Variants in TEX14 observed in about 807,000 individuals in gnomAD.
TEX14 encodes testis expressed 14, intercellular bridge forming factor.
TEX14 carries 168 observed loss-of-function variants against 178.6 expected under a neutral mutation model. That is an observed-to-expected ratio of 0.94 (90% CI 0.83 to 1.07). The LOEUF (loss-of-function observed/expected upper bound fraction) is 1.07. Among genes scored for constraint, TEX14 ranks in the 50% least tolerant of loss-of-function variants. TEX14 has a pLI of 0.00. For missense variants in TEX14, 1,730 were observed against 1,753.6 expected (o/e 0.99, Z 0.24); for synonymous variants, 626 against 634.1 (o/e 0.99, Z 0.19).
At chr17:58,625,587 T>C (rs1463804112) in intron 3 of TEX14, among the ~76,000 whole-genome samples, 4 of 152,222 alleles carry the variant, frequency 2.6e-5, no homozygotes, top group Non-Finnish European at 5.9e-5. Context: ...CAGGTCCACC[T>C]GGTATCAAAA....
rs761592042 is a variant in TEX14 at position 58,623,010 on chromosome 17, C to A, written c.254G>T (p.Arg85Leu). 61 of 1,587,736 alleles carry A rather than the reference C, an allele frequency of 3.8e-5. No homozygotes were observed. Among genetic ancestry groups the A allele is most frequent in the Middle Eastern group, 3.4e-4 (2 of 5,930 alleles). The change falls in exon 4 of 32, where the codon CGC becomes CTC. Residue 85 changes from arginine to leucine, a missense_variant and splice_region_variant. Transcript: ENST00000349033. ...LVDYGSDPNHRCFDGSTPVHA... is the reference protein window; with the variant it reads ...LVDYGSDPNHLCFDGSTPVHA... ...GACAGGGGTGCTCCCATCAAAGCAGCGGCTGGGGAGGGAGATGAGTACAAT... is the reference window on the plus strand; with the variant it reads ...GACAGGGGTGCTCCCATCAAAGCAGAGGCTGGGGAGGGAGATGAGTACAAT...
intron 19 of TEX14, among the ~76,000 whole-genome samples, chr17:58,580,111 G>A (rs1321320797): frequency 6.6e-6 from 1 of 152,204 alleles, no homozygotes; most frequent in African/African-American, 2.4e-5. Flanking sequence ...CAGAACAATG[G>A]TTCCTTTTGG....
intron 2 of TEX14, among the ~76,000 whole-genome samples, chr17:58,649,803 G>A (rs770602588): frequency 1.1e-4 from 16 of 151,846 alleles, no homozygotes; most frequent in East Asian, 9.7e-4. Flanking sequence ...GCAGTGGCGC[G>A]ATCTCAGCTC....
intron 17 of TEX14, 58 bp downstream of exon 17, chr17:58,587,523 A>G (rs1425240124): frequency 5.6e-6 from 6 of 1,077,768 alleles, no homozygotes; most frequent in Admixed American, 2.2e-5. Context: ...TATCAACCAC[A>G]TTAGAAATAT....
intron 1 of TEX14, chr17:58,661,600 C>G: frequency 1.4e-6 from 1 of 713,842 alleles, no homozygotes; most frequent in Non-Finnish European, 2.6e-6. Context: ...CAGCTGCCAT[C>G]TTGGGAAGGC....
At chr17:58,650,671 A>G (rs542001343) in intron 2 of TEX14, among the ~76,000 whole-genome samples, 1 of 151,974 alleles carries the variant, frequency 6.6e-6, no homozygotes, top group Non-Finnish European at 1.5e-5. Context: ...AGTGTTGCCC[A>G]GGCTGGTCTC....
chr17:58,629,517 T>C (rs2046230638), intron 3 of TEX14, among the ~76,000 whole-genome samples: 1 of 150,680 alleles, frequency 6.6e-6, no homozygotes, highest in South Asian at 2.1e-4. Flanking sequence ...TGTTACTGTT[T>C]CATATTAAAA....
intron 2 of TEX14, chr17:58,631,848 A>C (rs576535601): frequency 3.3e-5 from 5 of 152,228 alleles, no homozygotes; most frequent in African/African-American, 9.6e-5. Flanking sequence ...ATGTCCATTT[A>C]TGTGCCTTCC....
At chr17:58,679,414 G>A (rs574047315) in intron 1 of TEX14, 1 of 149,864 alleles carries the variant, frequency 6.7e-6, no homozygotes, top group South Asian at 2.1e-4. Flanking sequence ...AGAAAAAAAT[G>A]ACCATTAGAA....
In TEX14 at chr17:58,615,330, C is replaced by T. The variant is rs775848022; in HGVS notation, c.783G>A (p.Gly261=). The T allele has an allele frequency of 1.9e-6, 3 of 1,608,764 alleles. No individual in the cohort carries two copies. The highest frequency in any genetic ancestry group is 2.6e-6 in the Non-Finnish European group (3 of 1,175,208). Residue 261 remains glycine, a synonymous_variant, in exon 8 of 32, where the codon GGG becomes GGA. Transcript: ENST00000349033. ...YMVMTNLVWN[G]SRVTVKELNL... ...TCAGCTCTTTCACTGTGACCCTGCT[C>T]CCATTCCACACTAGGCTACAAGGAC...
Position 58,569,208 on chromosome 17 carries a change from C to T in TEX14, c.3870G>A (p.Glu1290=), listed in dbSNP as rs1283590290. ...ATCTCTTACCAATGTCATCAAGTAG[C>T]TCCTGAGATGGTGGTGGCAGCTCAT... ...HIDELPPPSQ[E]LLDDIELLKQ... The change falls in exon 26 of 32, where the codon GAG becomes GAA. Residue 1290 remains glutamate, a synonymous_variant. Transcript: ENST00000349033. The surrounding 1 kb of genome is among the most constrained non-coding windows in gnomAD (Gnocchi z 4.1). The T allele has an allele frequency of 2.5e-6, 4 of 1,613,848 alleles. No individual in the cohort carries two copies. The highest frequency in any genetic ancestry group is 3.3e-5 in the Admixed American group (2 of 59,996).
At chr17:58,640,221 G>C (rs892654309) in intron 2 of TEX14, among the ~76,000 whole-genome samples, 1 of 150,684 alleles carries the variant, frequency 6.6e-6, no homozygotes, top group Admixed American at 6.7e-5. Context: ...TGAGGCACGA[G>C]AAACACTTGA....
At chr17:58,630,288 C>A in intron 3 of TEX14, 152 bp downstream of exon 3, 1 of 538,970 alleles carries the variant, frequency 1.9e-6, no homozygotes, top group African/African-American at 1.9e-5. Context: ...TAACTCCTGA[C>A]CTCGTGATCT....
chr17:58,585,816 GC>G lies in TEX14; in HGVS notation c.3054del (p.Arg1018SerfsTer35). On this transcript the variant is annotated frameshift_variant, in exon 18 of 32. Transcript: ENST00000349033. LOFTEE classifies it high-confidence loss of function. ...CDSDQHGRQP[R>X]LGSFTSIRHP... is the part of the protein sequence containing the mutation. ...GTGAACTTACTGGTGAAGCTTCCAA[GC>G]CTGGGCTGTCTGCCATGCTGGTCAC... 6.2e-7 allele frequency: 1 copy of G among 1,613,954 alleles called. No homozygotes were observed. The highest frequency in any genetic ancestry group is 8.5e-7 in the Non-Finnish European group (1 of 1,180,000).
At chr17:58,629,829 C>T (rs11651521) in intron 3 of TEX14, among the ~76,000 whole-genome samples, 33,989 of 148,824 alleles carry the variant, frequency 0.23, 5,064 homozygotes, top group Middle Eastern at 0.41. Flanking sequence ...AGCTAGACTC[C>T]GTCTGAAAAA....
At chr17:58,590,259 CAAAAAAAA>C (rs35100175) in intron 15 of TEX14, among the ~76,000 whole-genome samples, 1 of 93,824 alleles carries the variant, frequency 1.1e-5, no homozygotes, top group East Asian at 3.3e-4. Flanking sequence ...GACTCTGTGT[CAAAAAAAA>C]AAAAAAAAAA....
At chr17:58,583,530 A>C (rs1351198251) in intron 19 of TEX14, among the ~76,000 whole-genome samples, 1 of 152,114 alleles carries the variant, frequency 6.6e-6, no homozygotes, top group Admixed American at 6.6e-5. Flanking sequence ...CTCCCAATGT[A>C]CTGGAATTAT....
chr17:58,558,815 GGATTTT>G (rs1482043337), intron 30 of TEX14, among the ~76,000 whole-genome samples: 1 of 152,044 alleles, frequency 6.6e-6, no homozygotes, highest in Non-Finnish European at 1.5e-5. Flanking sequence ...ATTTATTACT[GGATTTT>G]GAAGCATCTA....
At chr17:58,571,771 T>C (rs757363293) in intron 24 of TEX14, 150 bp downstream of exon 24, 62 of 644,330 alleles carry the variant, frequency 9.6e-5, no homozygotes, top group Non-Finnish European at 1.4e-4. Flanking sequence ...TCCCATAATA[T>C]AGACTCAAGA....
Sources: gnomAD v4.1 joint callset for allele counts (sites outside exome capture counted in the v4.1 genomes callset) on GRCh38, gnomAD v4.1.1 for gene constraint, Gnocchi (gnomAD v3.1) non-coding constraint, MANE v1.5 for transcripts, NCBI Gene and HGNC (gene_info 2026-07-23, HGNC 2026-07-21) for gene names.